Variants in NUP214 observed in about 807,000 individuals in gnomAD.
NUP214 encodes the protein nucleoporin 214, also known as nuclear pore complex protein Nup214.
In NUP214, 79 loss-of-function variants were observed where a neutral mutation model predicts 196.2. That is an observed-to-expected ratio of 0.40 (90% CI 0.34 to 0.49). NUP214 has a LOEUF of 0.49. Among genes scored for constraint, NUP214 ranks in the 20% least tolerant of loss-of-function variants. The pLI is 0.58. For missense variants in NUP214, 2,468 were observed against 2,539.0 expected, an observed-to-expected ratio of 0.97 and a Z score of 0.60; for synonymous variants, 1,020 against 990.5, an observed-to-expected ratio of 1.03 and a Z score of -0.56.
At chr9:131,170,908 ATAGT>A (rs1182934644) in intron 21 of NUP214, among the ~76,000 whole-genome samples, 1 of 151,832 alleles carries the variant, frequency 6.6e-6, no homozygotes, top group East Asian at 1.9e-4. Flanking sequence ...AGCACTTTCT[ATAGT>A]TCATCCTAAG....
chr9:131,217,055 G>A (rs1834421375), intron 31 of NUP214, among the ~76,000 whole-genome samples: 1 of 152,152 alleles, frequency 6.6e-6, no homozygotes, highest in Non-Finnish European at 1.5e-5. Context: ...CATGACAGAT[G>A]TTTCCTTAAT....
intron 31 of NUP214, 64 bp from the exon 32 acceptor site, chr9:131,222,714 G>A: frequency 1.3e-6 from 2 of 1,548,142 alleles, no homozygotes; most frequent in Admixed American, 3.7e-5. Flanking sequence ...CTTTTTCTGT[G>A]TTCTGAGAAG....
chr9:131,132,302 C>T (rs557704596), intron 5 of NUP214, among the ~76,000 whole-genome samples: 12 of 151,494 alleles, frequency 7.9e-5, no homozygotes, highest in South Asian at 4.2e-4. Flanking sequence ...TTAGTAGAGA[C>T]GGGGTTTCGC....
In NUP214 at chr9:131,199,001, T is replaced by A. The variant is rs755642339; in HGVS notation, c.5507T>A (p.Phe1836Tyr). The A allele has an allele frequency of 1.9e-6, 3 of 1,593,164 alleles. No individual in the cohort carries two copies. In the African/African-American group the frequency reaches 4.1e-5, roughly 22 times the overall value. The change falls in exon 29 of 36, where the codon TTT becomes TAT. Residue 1836 changes from phenylalanine to tyrosine, a missense_variant. Transcript: ENST00000359428. ...TTTAATSGFSFCQASGFGSSN... is the reference protein window; with the variant it reads ...TTTAATSGFSYCQASGFGSSN... Reference sequence around the variant, plus strand: ...ACAGCAGCAACCTCTGGGTTCAGCTTTTGCCAAGCTTCAGGTAAGAATTTG... The same window carrying A: ...ACAGCAGCAACCTCTGGGTTCAGCTATTGCCAAGCTTCAGGTAAGAATTTG...
intron 21 of NUP214, among the ~76,000 whole-genome samples, chr9:131,170,034 GA>G (rs1248317118): frequency 6.6e-6 from 1 of 152,164 alleles, no homozygotes; most frequent in East Asian, 1.9e-4. Context: ...GTTTCATGGG[GA>G]TGAAGTTTCA....
chr9:131,180,268 A>C (rs914010494), intron 24 of NUP214, among the ~76,000 whole-genome samples: 5 of 152,236 alleles, frequency 3.3e-5, no homozygotes, highest in African/African-American at 1.2e-4. Flanking sequence ...GAAATGTAGA[A>C]GCATTCCTTT....
chr9:131,198,129 G>C lies in NUP214; in HGVS notation c.4635G>C (p.Gln1545His). Residue 1545 changes from glutamine (Q) to histidine (H), a missense_variant, in exon 29 of 36, where the codon CAG (glutamine) becomes CAC (histidine). Gln to His is a conservative substitution (Grantham distance 24). This residue lies in a region of NUP214 where 1,801 missense variants were observed against 1,779.4 expected (regional missense o/e 1.01). Coordinates refer to ENST00000359428, the MANE Select transcript of NUP214 (RefSeq NM_005085.4). ...TTAAAAAAGAACCTGTTCTTGCCCA[G>C]CCTGCAGTCAGCAACTCTGGCACTG... is the stretch of plus-strand genomic sequence containing the variant. ...DSVKKEPVLAQPAVSNSGTAA... is the reference protein window; with the variant it reads ...DSVKKEPVLAHPAVSNSGTAA... 1 of 1,614,202 alleles carries C rather than the reference G, an allele frequency of 6.2e-7. No homozygotes were observed. The highest frequency in any genetic ancestry group is 8.5e-7 in the Non-Finnish European group (1 of 1,180,030).
rs762134762 is a variant in NUP214, at chr9:131,197,992, G to C, written c.4498G>C (p.Ala1500Pro). Residue 1500 changes from alanine (A) to proline (P), a missense_variant, in exon 29 of 36, where the codon GCT becomes CCT. Around this residue, in one of 5 missense-constraint regions of NUP214, gnomAD observed 1,801 missense variants for 1,779.4 expected, o/e 1.01. Transcript: ENST00000359428. ...AAGCACAGAAGAGGCCACTTCATCAGCTTTGCCTGAGAAGCCAGGTGACAG... is the reference window on the plus strand; with the variant it reads ...AAGCACAGAAGAGGCCACTTCATCACCTTTGCCTGAGAAGCCAGGTGACAG... Reference protein sequence around the residue: ...GRSTEEATSSALPEKPGDSEV... With the variant: ...GRSTEEATSSPLPEKPGDSEV... The C allele has an allele frequency of 3.1e-6, 5 of 1,614,210 alleles. No individual in the cohort carries two copies. Among genetic ancestry groups the C allele is most frequent in the Middle Eastern group, 1.6e-4 (1 of 6,062 alleles).
intron 30 of NUP214, among the ~76,000 whole-genome samples, chr9:131,202,423 T>G (rs1360093624): frequency 1.3e-5 from 2 of 151,792 alleles, no homozygotes; most frequent in Admixed American, 1.3e-4. Flanking sequence ...TTTTGTTTGT[T>G]TGTTTGTTTT....
At chr9:131,162,382 A>G (rs1030390617) in intron 18 of NUP214, among the ~76,000 whole-genome samples, 1 of 152,220 alleles carries the variant, frequency 6.6e-6, no homozygotes, top group Non-Finnish European at 1.5e-5. Flanking sequence ...AGTCAGAAAA[A>G]AATTTCAAAG....
chr9:131,193,652 T>TTTTTTTTC, intron 27 of NUP214, among the ~76,000 whole-genome samples: 1 of 115,238 alleles, frequency 8.7e-6, no homozygotes, highest in Non-Finnish European at 1.8e-5. Flanking sequence ...TTTTTTTTTT[T>TTTTTTTTC]TTTTTTTTTT....
At chr9:131,169,593 G>A (rs755254133) in intron 21 of NUP214, among the ~76,000 whole-genome samples, 13 of 152,222 alleles carry the variant, frequency 8.5e-5, no homozygotes, top group Admixed American at 2.6e-4. Flanking sequence ...AATGGCTACT[G>A]TAATGGCAAA....
At position 131,164,123 on chromosome 9, in the gene NUP214, C is replaced by A; in HGVS notation, c.2872C>A (p.Pro958Thr). 6.2e-7 allele frequency: 1 copy of A among 1,614,110 alleles called. No individual in the cohort carries two copies. Residue 958 changes from proline to threonine, a missense_variant, in exon 21 of 36, where the codon CCA (proline) becomes ACA (threonine). By Grantham distance (38) the Pro-to-Thr change is conservative (BLOSUM62 -1). This residue lies in a region of NUP214 where 1,801 missense variants were observed against 1,779.4 expected (regional missense o/e 1.01). Transcript: ENST00000359428. ...CTTCTTGGCCAAGAGGAAGACCCCA[C>A]CAGTGAGATCCACTGCTCCAGGTAA... Reference protein sequence around the residue: ...RNFLAKRKTPPVRSTAPASLS... With the variant: ...RNFLAKRKTPTVRSTAPASLS...
Position 131,197,989 on chromosome 9 carries a change from T to C in NUP214, c.4495T>C (p.Ser1499Pro). The change falls in exon 29 of 36, where the codon TCA (serine) becomes CCA (proline). Residue 1499 changes from serine to proline, a missense_variant. Transcript: ENST00000359428. ...AGRSTEEATS[S>P]ALPEKPGDSE... is the part of the protein sequence containing the mutation. ...CAGAAGCACAGAAGAGGCCACTTCATCAGCTTTGCCTGAGAAGCCAGGTGA... is the reference window on the plus strand; with the variant it reads ...CAGAAGCACAGAAGAGGCCACTTCACCAGCTTTGCCTGAGAAGCCAGGTGA... The C allele has an allele frequency of 8.1e-6, 13 of 1,614,218 alleles. No homozygotes were observed. Among genetic ancestry groups the C allele is most frequent in the Non-Finnish European group, 1.1e-5 (13 of 1,180,024 alleles).
At chr9:131,201,859 CTGCCTTGGAGG>C in intron 30 of NUP214, 142 bp downstream of exon 30, 1 of 704,446 alleles carries the variant, frequency 1.4e-6, no homozygotes, top group Non-Finnish European at 2.5e-6. Context: ...CTCCCTTCAG[CTGCCTTGGAGG>C]TGCAGAAGTC....
intron 32 of NUP214, among the ~76,000 whole-genome samples, chr9:131,225,975 G>C (rs1271720675): frequency 6.6e-6 from 1 of 152,202 alleles, no homozygotes; most frequent in African/African-American, 2.4e-5. Flanking sequence ...ACACCCTGCT[G>C]TCTCGCTAAA....
rs1833505228 is a variant in NUP214 at position 131,188,128 on chromosome 9, T to G, written c.3495+764T>G. The stretch of plus-strand genomic sequence containing the variant: ...GAGCTGGGACCCAAGGCTTCTGACT[T>G]CCTCCTGTCCATTGCTCGTTTCACT... On this transcript the variant is annotated intron_variant, in intron 25 of 35. Transcript: ENST00000359428. 2.6e-5 allele frequency among the ~76,000 whole-genome samples: 4 copies of G among 152,294 alleles called. No homozygotes were observed. The South Asian group carries it at 8.3e-4, about 32-fold the overall frequency.
intron 34 of NUP214, among the ~76,000 whole-genome samples, chr9:131,231,829 A>G (rs115542152): frequency 2.6e-5 from 4 of 151,304 alleles, no homozygotes; most frequent in African/African-American, 9.7e-5. Flanking sequence ...AGTTAGCAGT[A>G]GAACCAGGCC....
At chr9:131,215,483 A>G (rs1834367234) in intron 31 of NUP214, 115 bp downstream of exon 31, 2 of 1,160,096 alleles carry the variant, frequency 1.7e-6, no homozygotes, top group Non-Finnish European at 2.3e-6. Context: ...TAGAAGGCTC[A>G]TTTAAAATAT....
Sources: allele counts gnomAD v4.1 joint callset (sites outside exome capture counted in the v4.1 genomes callset), GRCh38; gene constraint gnomAD v4.1.1; regional missense constraint gnomAD v4.1.1; transcripts MANE v1.5; gene names NCBI Gene and HGNC (gene_info 2026-07-23, HGNC 2026-07-21).